Variants in DIAPH3 observed in about 807,000 individuals in gnomAD.
DIAPH3 encodes the protein diaphanous related formin 3, also known as protein diaphanous homolog 3.
Under a neutral mutation model 144.3 loss-of-function variants are expected in DIAPH3, and 117 were observed. That is an observed-to-expected ratio of 0.81 (90% CI 0.70 to 0.95). The LOEUF (loss-of-function observed/expected upper bound fraction) is 0.95, where lower values mean the gene tolerates loss of function less well. Among genes scored for constraint, DIAPH3 ranks in the 40% least tolerant of loss-of-function variants. The pLI, the probability that DIAPH3 is intolerant of heterozygous loss-of-function variation, is 0.00. For missense variants in DIAPH3, 1,421 were observed against 1,412.7 expected (o/e 1.01, Z -0.09); for synonymous variants, 519 against 488.9 (o/e 1.06, Z -0.81).
intron 20 of DIAPH3, among the ~76,000 whole-genome samples, chr13:59,894,922 A>C (rs1246263214): frequency 1.3e-5 from 2 of 152,088 alleles, no homozygotes; most frequent in African/African-American, 4.8e-5. Context: ...TCCAAAACAT[A>C]AAACTTCAGT....
chr13:60,092,512 G>A (rs1455598231), intron 4 of DIAPH3, among the ~76,000 whole-genome samples: 1 of 152,122 alleles, frequency 6.6e-6, no homozygotes, highest in Non-Finnish European at 1.5e-5. Flanking sequence ...ATTTCCAGGC[G>A]TGGTGGCAGG....
chr13:59,675,878 G>A (rs879419877), intron 27 of DIAPH3, among the ~76,000 whole-genome samples: 8 of 152,150 alleles, frequency 5.3e-5, no homozygotes, highest in Non-Finnish European at 8.8e-5. Context: ...TGAAGAGGCT[G>A]GGGAGAGGTA....
At chr13:60,078,446 T>C (rs1414818574) in intron 4 of DIAPH3, among the ~76,000 whole-genome samples, 3 of 152,086 alleles carry the variant, frequency 2.0e-5, no homozygotes, top group African/African-American at 7.2e-5. Context: ...TGGAGAAGTA[T>C]AATGGTTACT....
rs2053901736 is a variant in DIAPH3 at position 60,019,972 on chromosome 13, A to G, written c.627-3827T>C. On this transcript the variant is annotated intron_variant, in intron 5 of 27. Coordinates refer to ENST00000400324, the MANE Select transcript of DIAPH3 (RefSeq NM_001042517.2). ...GATGTGCTCGTAGAAAGGGAAAGACAAATGCATCATGAATTATAATGGAAT... is the reference window on the plus strand; with the variant it reads ...GATGTGCTCGTAGAAAGGGAAAGACGAATGCATCATGAATTATAATGGAAT... 2.6e-5 allele frequency among the ~76,000 whole-genome samples: 4 copies of G among 152,094 alleles called. No individual in the cohort carries two copies. In the South Asian group the frequency reaches 8.3e-4, roughly 32 times the overall value.
At chr13:59,967,589 T>C (rs761420510) in intron 17 of DIAPH3, among the ~76,000 whole-genome samples, 3 of 152,194 alleles carry the variant, frequency 2.0e-5, no homozygotes, top group South Asian at 4.1e-4. Flanking sequence ...TAAATGTCTA[T>C]ATAAAATCCT....
In DIAPH3 at chr13:59,918,760, A is replaced by G. The variant is rs1218171102; in HGVS notation, c.2171-2511T>C. Among the ~76,000 whole-genome samples, 4 of 152,094 alleles carry G rather than the reference A, an allele frequency of 2.6e-5. No individual in the cohort carries two copies. In the East Asian group the frequency reaches 7.7e-4, roughly 29 times the overall value. ...ACTGAGAAGAATGGAATAAATATCT[A>G]CTTCTTCAACATGCAGACAGCAACA... On this transcript the variant is annotated intron_variant, in intron 18 of 27. Transcript: ENST00000400324.
At chr13:59,846,414 C>T (rs1361337022) in intron 22 of DIAPH3, among the ~76,000 whole-genome samples, 2 of 152,076 alleles carry the variant, frequency 1.3e-5, no homozygotes, top group Non-Finnish European at 2.9e-5. Flanking sequence ...AACATGCAAA[C>T]TAAATCAAAC....
At chr13:60,000,007 C>A (rs1438558460) in intron 9 of DIAPH3, among the ~76,000 whole-genome samples, 1 of 152,138 alleles carries the variant, frequency 6.6e-6, no homozygotes, top group Non-Finnish European at 1.5e-5. Context: ...TTTAACAGAA[C>A]ACTTTTGCTT....
intron 3 of DIAPH3, among the ~76,000 whole-genome samples, chr13:60,109,658 C>T (rs1463616458): frequency 6.6e-6 from 1 of 152,120 alleles, no homozygotes; most frequent in East Asian, 1.9e-4. Flanking sequence ...TGGAACCTAC[C>T]TGGGACTTTT....
At chr13:59,750,217 TAC>T (rs2139111422) in intron 27 of DIAPH3, among the ~76,000 whole-genome samples, 1 of 152,302 alleles carries the variant, frequency 6.6e-6, no homozygotes, top group South Asian at 2.1e-4. Context: ...AGAAGGCACA[TAC>T]GTTAAATTTA....
rs192133551 is a variant in DIAPH3 at position 59,981,736 on chromosome 13, A to G, written c.1481-877T>C. 2.0e-5 allele frequency among the ~76,000 whole-genome samples: 3 copies of G among 151,590 alleles called. No individual in the cohort carries two copies. The East Asian group carries it at 5.8e-4, about 29-fold the overall frequency. Reference sequence around the variant, plus strand: ...AAAAATAAGTCAACAAAGTTACTGTATCCAAATCTTAATCACACTTCCTAA... The same window carrying G: ...AAAAATAAGTCAACAAAGTTACTGTGTCCAAATCTTAATCACACTTCCTAA... On this transcript the variant is annotated intron_variant, in intron 13 of 27. Transcript: ENST00000400324.
At chr13:60,101,575 C>T (rs958262223) in intron 3 of DIAPH3, among the ~76,000 whole-genome samples, 5 of 150,972 alleles carry the variant, frequency 3.3e-5, no homozygotes, top group African/African-American at 9.8e-5. Context: ...ATTTTAGTTG[C>T]GGTCCAAGAC....
chr13:60,044,911 TC>T (rs1376827274), intron 4 of DIAPH3, among the ~76,000 whole-genome samples: 1 of 152,100 alleles, frequency 6.6e-6, no homozygotes, highest in East Asian at 1.9e-4. Context: ...AAGGGGCTTT[TC>T]CCCCACCTTC....
intron 23 of DIAPH3, among the ~76,000 whole-genome samples, chr13:59,835,072 C>T (rs1367564881): frequency 1.3e-5 from 2 of 151,786 alleles, no homozygotes; most frequent in Admixed American, 6.6e-5. Flanking sequence ...GGTCATACTG[C>T]CTTTATTACA....
chr13:59,949,154 T>C (rs1049143581), intron 17 of DIAPH3, among the ~76,000 whole-genome samples: 1 of 152,138 alleles, frequency 6.6e-6, no homozygotes, highest in African/African-American at 2.4e-5. Flanking sequence ...TCAGGTAAAA[T>C]AGGCCCCTTC....
chr13:60,095,091 A>T (rs1220638123), intron 3 of DIAPH3, among the ~76,000 whole-genome samples: 1 of 152,182 alleles, frequency 6.6e-6, no homozygotes, highest in Non-Finnish European at 1.5e-5. Context: ...GGGTAGCATC[A>T]CAGTTTGACC....
At chr13:59,820,236 A>G (rs915334960) in intron 24 of DIAPH3, among the ~76,000 whole-genome samples, 5 of 152,004 alleles carry the variant, frequency 3.3e-5, no homozygotes, top group Non-Finnish European at 5.9e-5. Context: ...CTATTCAGAG[A>G]TATTGGAATA....
intron 27 of DIAPH3, among the ~76,000 whole-genome samples, chr13:59,720,788 T>C (rs909261948): frequency 2.6e-5 from 4 of 152,228 alleles, no homozygotes; most frequent in Admixed American, 6.5e-5. Context: ...CAGTTATTGG[T>C]AGTTATGTAA....
At chr13:59,698,361 AATG>A (rs757551340) in intron 27 of DIAPH3, among the ~76,000 whole-genome samples, 31 of 152,198 alleles carry the variant, frequency 2.0e-4, no homozygotes, top group Non-Finnish European at 4.1e-4. Context: ...AATAACTTAA[AATG>A]ATGTCTTTTT....
Sources: allele counts gnomAD v4.1 joint callset (sites outside exome capture counted in the v4.1 genomes callset), GRCh38; gene constraint gnomAD v4.1.1; transcripts MANE v1.5; gene names NCBI Gene and HGNC (gene_info 2026-07-23, HGNC 2026-07-21).